The following NSD1 variants were observed in gnomAD, a reference collection of about 807,000 sequenced individuals.
NSD1 encodes nuclear receptor binding SET domain protein 1.
Under a neutral mutation model 242.7 loss-of-function variants are expected in NSD1, and 26 were observed. That is an observed-to-expected ratio of 0.11 (90% CI 0.08 to 0.15). The LOEUF is 0.15. Among genes scored for constraint, NSD1 ranks in the 10% least tolerant of loss-of-function variants. The pLI, the probability that NSD1 is intolerant of heterozygous loss-of-function variation, is 1.00. For synonymous variants in NSD1, 1,106 were observed against 1,178.1 expected, an observed-to-expected ratio of 0.94 and a Z score of 1.25; for missense variants, 2,495 against 3,272.8, an observed-to-expected ratio of 0.76 and a Z score of 5.80.
chr5:177,220,604 C>T (rs1386137028), intron 5 of NSD1, among the ~76,000 whole-genome samples: 1 of 119,762 alleles, frequency 8.3e-6, no homozygotes, highest in Non-Finnish European at 1.6e-5. Flanking sequence ...GAGGCTTGCT[C>T]TGTCGCCTAG....
At chr5:177,223,622 T>C (rs1764412303) in intron 5 of NSD1, among the ~76,000 whole-genome samples, 1 of 152,084 alleles carries the variant, frequency 6.6e-6, no homozygotes, top group Admixed American at 6.6e-5. Flanking sequence ...AAAAGAATAT[T>C]CTTTACCTAT....
At chr5:177,197,666 G>A (rs1448444215) in intron 3 of NSD1, among the ~76,000 whole-genome samples, 2 of 152,160 alleles carry the variant, frequency 1.3e-5, no homozygotes, top group African/African-American at 4.8e-5. Flanking sequence ...TAAAAGTTAT[G>A]GGAATCTGTC....
rs377258628 is a variant in NSD1, at chr5:177,180,095, T to G, written c.928-11789T>G. 9.3e-5 allele frequency among the ~76,000 whole-genome samples: 14 copies of G among 150,648 alleles called. No individual in the cohort carries two copies. The East Asian group carries it at 1.9e-3, about 21-fold the overall frequency. On this transcript the variant is annotated intron_variant, in intron 2 of 22. Transcript: ENST00000439151. ...TTTGTTTTTTTATTTTTTATTTTAT[T>G]TATTTATTTTTTTTTTTGAGACAGA...
chr5:177,136,908 G>A, intron 2 of NSD1: 1 of 700,894 alleles, frequency 1.4e-6, no homozygotes, highest in East Asian at 2.7e-5. Flanking sequence ...GCTGGCGTCG[G>A]GACTCCTGGG....
intron 2 of NSD1, among the ~76,000 whole-genome samples, chr5:177,182,429 A>C (rs1391585780): frequency 6.6e-6 from 1 of 152,142 alleles, no homozygotes; most frequent in Non-Finnish European, 1.5e-5. Context: ...CTTGCAGCTC[A>C]GATGATCATT....
intron 14 of NSD1, among the ~76,000 whole-genome samples, chr5:177,260,883 C>A (rs1756944214): frequency 6.6e-6 from 1 of 152,012 alleles, no homozygotes; most frequent in Admixed American, 6.6e-5. Context: ...AGAAACAATT[C>A]TTGAAAATAG....
At chr5:177,188,980 T>G (rs1016053956) in intron 2 of NSD1, among the ~76,000 whole-genome samples, 6 of 152,084 alleles carry the variant, frequency 3.9e-5, no homozygotes, top group Non-Finnish European at 8.8e-5. Flanking sequence ...GAGGCGAAGA[T>G]TGCAGTGAGT....
At chr5:177,292,281 A>G (rs1759899831) in intron 22 of NSD1, 123 bp downstream of exon 22, 2 of 933,996 alleles carry the variant, frequency 2.1e-6, no homozygotes, top group Non-Finnish European at 3.4e-6. Flanking sequence ...TTTGAGGGGT[A>G]TGGTCTATTT....
At position 177,297,148 on chromosome 5, in the gene NSD1, A is replaced by C. The variant is rs185781076; in HGVS notation, c.*1689A>C. 1.7e-5 allele frequency: 4 copies of C among 232,896 alleles called. No homozygotes were observed. The highest frequency in any genetic ancestry group is 3.4e-5 in the Non-Finnish European group (4 of 117,832). 14.4% of individuals were successfully genotyped at this position (232,896 alleles called of 1,614,324 possible). ...CTGTCTCTGAGGTTGAGACACTTGA[A>C]CTCAGGCAGAGGGACGAGGCTGGGC... is the stretch of plus-strand genomic sequence containing the variant. On this transcript the variant is annotated 3_prime_UTR_variant, in exon 23 of 23. Coordinates refer to ENST00000439151, the MANE Select transcript of NSD1 (RefSeq NM_022455.5).
intron 2 of NSD1, among the ~76,000 whole-genome samples, chr5:177,181,427 G>GTT (rs34848476): frequency 0.08 from 9,411 of 117,246 alleles, 1,554 homozygotes; most frequent in African/African-American, 0.29. Flanking sequence ...TTTTTTTTTG[G>GTT]TTTTTTTTTT....
At chr5:177,213,432 A>G (rs1763515583) in intron 5 of NSD1, among the ~76,000 whole-genome samples, 1 of 152,182 alleles carries the variant, frequency 6.6e-6, no homozygotes, top group Non-Finnish European at 1.5e-5. Flanking sequence ...TCCCAGACAG[A>G]AACACAGAAC....
chr5:177,287,349 G>C (rs1759415854), intron 20 of NSD1, among the ~76,000 whole-genome samples: 1 of 152,214 alleles, frequency 6.6e-6, no homozygotes, highest in Admixed American at 6.5e-5. Flanking sequence ...TTAAGAAAAA[G>C]ACAGTGTGGG....
intron 2 of NSD1, 57 bp from the exon 3 acceptor site, chr5:177,191,827 A>G (rs1310123617): frequency 3.2e-6 from 5 of 1,585,042 alleles, no homozygotes; most frequent in Admixed American, 1.7e-5. Flanking sequence ...AGGAATGACA[A>G]TAATGTTTCA....
intron 2 of NSD1, among the ~76,000 whole-genome samples, chr5:177,190,490 G>C (rs931888802): frequency 4.6e-5 from 7 of 151,660 alleles, no homozygotes; most frequent in African/African-American, 1.5e-4. Flanking sequence ...GGGTTTCGCT[G>C]TGTTGGCCAG....
chr5:177,199,579 ATTTTC>A (rs372397508), intron 3 of NSD1, among the ~76,000 whole-genome samples: 3,991 of 127,796 alleles, frequency 0.031, 58 homozygotes, highest in Middle Eastern at 0.046. Context: ...TCAACTTAAT[ATTTTC>A]TTTTCTTTTC....
rs1359746123 is a variant in NSD1, at chr5:177,241,854, C to G, written c.4302+1989C>G. On this transcript the variant is annotated intron_variant, in intron 8 of 22. Coordinates refer to ENST00000439151, the MANE Select transcript of NSD1 (RefSeq NM_022455.5). Reference sequence around the variant, plus strand: ...TTCCATTTTAGTTTACCAGGCACACCACCACCCTGTCTGCAGGTGGATTAA... The same window carrying G: ...TTCCATTTTAGTTTACCAGGCACACGACCACCCTGTCTGCAGGTGGATTAA... 3.9e-5 allele frequency among the ~76,000 whole-genome samples: 6 copies of G among 152,260 alleles called. No individual in the cohort carries two copies. In the East Asian group the frequency reaches 1.2e-3, roughly 29 times the overall value.
intron 5 of NSD1, 29 bp from the exon 6 acceptor site, chr5:177,235,792 T>G: frequency 6.2e-7 from 1 of 1,613,852 alleles, no homozygotes; most frequent in Non-Finnish European, 8.5e-7. Context: ...GCTTTTTGAT[T>G]AATGTTGAAT....
intron 2 of NSD1, among the ~76,000 whole-genome samples, chr5:177,172,438 A>C (rs1005387747): frequency 6.6e-6 from 1 of 152,190 alleles, no homozygotes; most frequent in African/African-American, 2.4e-5. Context: ...TAAAGACTGA[A>C]TCTGATGAAT....
Position 177,211,299 on chromosome 5 carries a change from A to G in NSD1, c.2900A>G (p.Lys967Arg). 1 of 1,614,140 alleles carries G rather than the reference A, an allele frequency of 6.2e-7. No individual in the cohort carries two copies. The highest frequency in any genetic ancestry group is 1.6e-4 in the Middle Eastern group (1 of 6,062). ...GGAGGCTCCACACACAATTCAGAGA[A>G]AAAGGGAGATGGCACTCAGAACTCC... ...VSGGSTHNSE[K>R]KGDGTQNSAN... Residue 967 changes from lysine (K) to arginine (R), a missense_variant, in exon 5 of 23, where the codon AAA (lysine) becomes AGA (arginine). Lys to Arg is a conservative substitution (Grantham distance 26, BLOSUM62 2). Around this residue, in one of 19 missense-constraint regions of NSD1, gnomAD observed 426 missense variants for 411.4 expected, o/e 1.04. Transcript: ENST00000439151.
Sources: allele counts gnomAD v4.1 joint callset (sites outside exome capture counted in the v4.1 genomes callset), GRCh38; gene constraint gnomAD v4.1.1; regional missense constraint gnomAD v4.1.1; transcripts MANE v1.5; gene names NCBI Gene and HGNC (gene_info 2026-07-23, HGNC 2026-07-21).